The following DYRK1A variants were observed in gnomAD, a reference collection of about 807,000 sequenced individuals.
The protein encoded by DYRK1A is dual specificity tyrosine-phosphorylation-regulated kinase 1A.
Under a neutral mutation model 79.7 loss-of-function variants are expected in DYRK1A, and 9 were observed. The observed-to-expected ratio is 0.11, with a 90% CI of 0.07 to 0.20. The LOEUF (loss-of-function observed/expected upper bound fraction) is 0.20, where lower values mean the gene tolerates loss of function less well. Among genes scored for constraint, DYRK1A ranks in the 10% least tolerant of loss-of-function variants. DYRK1A has a pLI of 1.00. For missense variants in DYRK1A, 622 were observed against 956.0 expected, an observed-to-expected ratio of 0.65 and a Z score of 4.61; for synonymous variants, 349 against 329.7, an observed-to-expected ratio of 1.06 and a Z score of -0.63.
intron 11 of DYRK1A, among the ~76,000 whole-genome samples, chr21:37,508,962 T>TA (rs2053676373): frequency 6.6e-6 from 1 of 152,188 alleles, no homozygotes; most frequent in Non-Finnish European, 1.5e-5. Context: ...CGCAAACACA[T>TA]ACAAGAGTAG....
intron 1 of DYRK1A, among the ~76,000 whole-genome samples, chr21:37,391,870 C>T (rs1371876448): frequency 2.6e-5 from 4 of 152,226 alleles, no homozygotes; most frequent in Non-Finnish European, 5.9e-5. Context: ...TTCTATATGG[C>T]ACAGAGCCTC....
At chr21:37,497,747 A>G (rs558969552) in intron 9 of DYRK1A, among the ~76,000 whole-genome samples, 2 of 152,116 alleles carry the variant, frequency 1.3e-5, no homozygotes, top group Non-Finnish European at 2.9e-5. Context: ...AAATTGATCT[A>G]TAGGTATTAC....
intron 2 of DYRK1A, among the ~76,000 whole-genome samples, chr21:37,449,770 C>G (rs2051386712): frequency 6.6e-6 from 1 of 152,226 alleles, no homozygotes; most frequent in African/African-American, 2.4e-5. Flanking sequence ...CCACTTTTCC[C>G]CATAAATATC....
intron 5 of DYRK1A, among the ~76,000 whole-genome samples, chr21:37,483,563 C>CT (rs1248745742): frequency 7.3e-5 from 11 of 151,158 alleles, no homozygotes; most frequent in Admixed American, 2.0e-4. Context: ...TTTGGGAGTC[C>CT]TTTTTTTTGT....
chr21:37,383,729 G>T (rs1238443827), intron 1 of DYRK1A, among the ~76,000 whole-genome samples: 1 of 152,124 alleles, frequency 6.6e-6, no homozygotes, highest in Non-Finnish European at 1.5e-5. Flanking sequence ...CAGAGCTTAT[G>T]TTCCATTGTA....
At chr21:37,505,198 A>G in intron 9 of DYRK1A, 85 bp from the exon 10 acceptor site, 1 of 1,132,716 alleles carries the variant, frequency 8.8e-7, no homozygotes, top group Non-Finnish European at 1.3e-6. Context: ...CAACATATAT[A>G]TTTAAACATA....
intron 4 of DYRK1A, among the ~76,000 whole-genome samples, chr21:37,478,867 A>G (rs1485957843): frequency 1.3e-5 from 2 of 152,186 alleles, no homozygotes. Flanking sequence ...TTGTAAGTAA[A>G]TAAGATAAAA....
intron 6 of DYRK1A, among the ~76,000 whole-genome samples, chr21:37,489,722 A>T (rs967030935): frequency 6.6e-6 from 1 of 152,128 alleles, no homozygotes; most frequent in African/African-American, 2.4e-5. Flanking sequence ...TTCAAAGCCT[A>T]CACAGAGGGC....
intron 2 of DYRK1A, among the ~76,000 whole-genome samples, chr21:37,470,506 G>GA (rs1437390669): frequency 6.6e-6 from 1 of 152,140 alleles, no homozygotes; most frequent in Admixed American, 6.5e-5. Context: ...TTGTAACAAG[G>GA]AATAGGGTCA....
chr21:37,430,541 C>G (rs1296148306), intron 2 of DYRK1A: 1 of 404,928 alleles, frequency 2.5e-6, no homozygotes, highest in Non-Finnish European at 3.3e-6. Flanking sequence ...CCAGAGTCCT[C>G]TGTCATCATT....
chr21:37,371,515 G>T (rs1424130079), intron 1 of DYRK1A, among the ~76,000 whole-genome samples: 3 of 152,162 alleles, frequency 2.0e-5, no homozygotes, highest in East Asian at 3.8e-4. Flanking sequence ...TTTCTTTTGG[G>T]CATATATGTT....
intron 3 of DYRK1A, 117 bp from the exon 4 acceptor site, chr21:37,478,091 G>T: frequency 2.9e-6 from 4 of 1,364,534 alleles, no homozygotes; most frequent in Non-Finnish European, 4.0e-6. Flanking sequence ...CTAATGTGTA[G>T]CTGTCTTTAA....
intron 2 of DYRK1A, 72 bp from the exon 3 acceptor site, chr21:37,472,612 C>T (rs1232268456): frequency 5.4e-6 from 7 of 1,289,974 alleles, no homozygotes; most frequent in East Asian, 2.4e-5. Context: ...TTTAAGGAAC[C>T]ATTAGATATG....
chr21:37,396,759 G>A (rs145917559), intron 1 of DYRK1A, among the ~76,000 whole-genome samples: 6 of 152,074 alleles, frequency 3.9e-5, no homozygotes, highest in Non-Finnish European at 7.4e-5. Context: ...ATCAAGTATG[G>A]TGAACACATT....
chr21:37,498,734 T>C (rs2053351337), intron 9 of DYRK1A, among the ~76,000 whole-genome samples: 2 of 152,204 alleles, frequency 1.3e-5, no homozygotes, highest in South Asian at 4.1e-4. Flanking sequence ...TGTGTTTACC[T>C]TCACAAGAAA....
Position 37,486,628 on chromosome 21 carries a change from C to A in DYRK1A, c.637+14C>A. On this transcript the variant is annotated intron_variant, in intron 6 of 11. Coordinates refer to ENST00000647188, the MANE Select transcript of DYRK1A (RefSeq NM_001347721.2). The stretch of plus-strand genomic sequence containing the variant: ...AATACTACATAGGTAAACAAACAGG[C>A]AAACAGCGCAGTGTGCCCCAACCCA... The A allele has an allele frequency of 6.6e-7, 1 of 1,525,834 alleles. No individual in the cohort carries two copies. The highest frequency in any genetic ancestry group is 8.8e-7 in the Non-Finnish European group (1 of 1,136,184). 94.5% of individuals were successfully genotyped at this position (1,525,834 alleles called of 1,614,324 possible).
intron 5 of DYRK1A, among the ~76,000 whole-genome samples, chr21:37,483,537 AG>A (rs1001094004): frequency 5.9e-5 from 9 of 151,800 alleles, no homozygotes; most frequent in African/African-American, 1.9e-4. Context: ...TTTTCTTCTG[AG>A]GGGGTTTTCA....
At chr21:37,414,898 G>A (rs1319097880) in intron 1 of DYRK1A, among the ~76,000 whole-genome samples, 1 of 152,172 alleles carries the variant, frequency 6.6e-6, no homozygotes, top group African/African-American at 2.4e-5. Context: ...AGGACAGCAA[G>A]CAAAATAGAA....
intron 1 of DYRK1A, among the ~76,000 whole-genome samples, chr21:37,385,531 G>A (rs777870798): frequency 2.0e-5 from 3 of 152,118 alleles, no homozygotes; most frequent in Non-Finnish European, 2.9e-5. Context: ...ACATCTTAAC[G>A]TGTCATAACC....
Sources: gnomAD v4.1 joint callset for allele counts (sites outside exome capture counted in the v4.1 genomes callset) on GRCh38, gnomAD v4.1.1 for gene constraint, MANE v1.5 for transcripts, NCBI Gene and HGNC (gene_info 2026-07-23, HGNC 2026-07-21) for gene names.